The following STK3 variants were observed in gnomAD, a reference collection of about 807,000 sequenced individuals.
The protein encoded by STK3 is serine/threonine-protein kinase 3.
A neutral mutation model predicts 58.0 loss-of-function variants in STK3; 41 were observed. The observed-to-expected ratio is 0.71, with a 90% CI of 0.55 to 0.92. The LOEUF is 0.92. STK3 is among the 40% of genes least tolerant of loss of function. The pLI, the probability that STK3 is intolerant of heterozygous loss-of-function variation, is 0.00. For missense variants in STK3, 479 were observed against 602.7 expected (o/e 0.79, Z 2.15); for synonymous variants, 170 against 191.0 (o/e 0.89, Z 0.91).
At chr8:98,459,356 A>T (rs543019685) in intron 10 of STK3, among the ~76,000 whole-genome samples, 1 of 152,350 alleles carries the variant, frequency 6.6e-6, no homozygotes, top group African/African-American at 2.4e-5. Context: ...GGGTGCTCTT[A>T]AAAGCATTCA....
At chr8:98,375,819 C>A (rs1817668667) in intron 2 of STK3, among the ~76,000 whole-genome samples, 1 of 152,036 alleles carries the variant, frequency 6.6e-6, no homozygotes, top group African/African-American at 2.4e-5. Flanking sequence ...TACTGGAGGA[C>A]ATTTGGTTTG....
chr8:98,664,758 TC>T (rs1563865897), intron 6 of STK3, among the ~76,000 whole-genome samples: 2 of 152,072 alleles, frequency 1.3e-5, no homozygotes, highest in Non-Finnish European at 2.9e-5. Flanking sequence ...CTTTGAGAAT[TC>T]TCTTAGAAGT....
downstream of STK3, among the ~76,000 whole-genome samples, chr8:98,396,915 G>A (rs1817902133): frequency 6.6e-6 from 1 of 152,132 alleles, no homozygotes; most frequent in Non-Finnish European, 1.5e-5. Context: ...TATGTACCAG[G>A]CCCTATTCTA....
At chr8:98,903,633 G>C (rs1838771252) in intron 1 of STK3, among the ~76,000 whole-genome samples, 2 of 150,788 alleles carry the variant, frequency 1.3e-5, no homozygotes, top group South Asian at 4.2e-4. Context: ...CCCAACTGCT[G>C]GGTTCAAGTG....
At chr8:98,797,194 T>C (rs796108247) in intron 1 of STK3, among the ~76,000 whole-genome samples, 8 of 152,372 alleles carry the variant, frequency 5.3e-5, no homozygotes, top group South Asian at 2.1e-4. Context: ...TGATAACTTA[T>C]TGCAGCTTCT....
At chr8:98,447,559 T>C (rs927091112) in intron 1 of STK3, among the ~76,000 whole-genome samples, 1 of 148,018 alleles carries the variant, frequency 6.8e-6, no homozygotes, top group Non-Finnish European at 1.5e-5. Flanking sequence ...TATATATATA[T>C]ATAGTATCTA....
At chr8:98,520,407 A>C (rs895314636) in intron 10 of STK3, among the ~76,000 whole-genome samples, 1 of 152,182 alleles carries the variant, frequency 6.6e-6, no homozygotes, top group African/African-American at 2.4e-5. Context: ...AAGGAAGTAC[A>C]CAAATTCTAT....
At chr8:98,760,892 G>A (rs1830577004) in intron 3 of STK3, among the ~76,000 whole-genome samples, 1 of 151,556 alleles carries the variant, frequency 6.6e-6, no homozygotes, top group Non-Finnish European at 1.5e-5. Context: ...AACCAAAGGG[G>A]AAAAATGGAA....
intron 1 of STK3, among the ~76,000 whole-genome samples, chr8:98,918,754 G>A (rs1033216801): frequency 6.6e-6 from 1 of 152,080 alleles, no homozygotes; most frequent in African/African-American, 2.4e-5. Flanking sequence ...GGGTGACAGA[G>A]TGAGACCCTG....
chr8:98,632,360 T>TA (rs1322683495), intron 6 of STK3, among the ~76,000 whole-genome samples: 1 of 152,140 alleles, frequency 6.6e-6, no homozygotes, highest in African/African-American at 2.4e-5. Flanking sequence ...AACTTTATAA[T>TA]AAAACTATAT....
chr8:98,825,450 A>G, intron 1 of STK3, 65 bp downstream of exon 1: 1 of 1,400,048 alleles, frequency 7.1e-7, no homozygotes, highest in Admixed American at 2.7e-5. Context: ...GGCCTGGCCT[A>G]GCCACCCCCG....
chr8:98,878,657 G>C (rs150844059), intron 3 of STK3, among the ~76,000 whole-genome samples: 1 of 152,262 alleles, frequency 6.6e-6, no homozygotes, highest in Non-Finnish European at 1.5e-5. Context: ...TCAGGGATAA[G>C]AACACCTTCC....
At chr8:98,434,116 A>T (rs1468857775) in intron 3 of STK3, 1 of 152,182 alleles carries the variant, frequency 6.6e-6, no homozygotes, top group African/African-American at 2.4e-5. Context: ...CCCATCCAAC[A>T]CTCAACTCAC....
At chr8:98,915,977 A>G (rs914561083) in intron 1 of STK3, among the ~76,000 whole-genome samples, 2 of 152,218 alleles carry the variant, frequency 1.3e-5, no homozygotes, top group Non-Finnish European at 2.9e-5. Flanking sequence ...TAGCAGATTC[A>G]CCAACTTCTG....
At chr8:98,930,905 C>A (rs1839981473) in intron 1 of STK3, among the ~76,000 whole-genome samples, 1 of 152,204 alleles carries the variant, frequency 6.6e-6, no homozygotes, top group African/African-American at 2.4e-5. Context: ...ATTCTGAGAA[C>A]AGGCCTGCAC....
intron 6 of STK3, among the ~76,000 whole-genome samples, chr8:98,602,918 TATCTAAAG>T (rs1816478021): frequency 6.7e-6 from 1 of 148,372 alleles, no homozygotes; most frequent in Non-Finnish European, 1.5e-5. Flanking sequence ...GTACCAAATA[TATCTAAAG>T]ATAGTGGACA....
At chr8:98,804,277 C>T (rs1833770258) in intron 1 of STK3, among the ~76,000 whole-genome samples, 1 of 152,232 alleles carries the variant, frequency 6.6e-6, no homozygotes, top group Non-Finnish European at 1.5e-5. Flanking sequence ...GCTGGGATTA[C>T]AGGCGTGAGC....
chr8:98,712,990 C>A (rs1437190776), intron 4 of STK3, among the ~76,000 whole-genome samples: 1 of 152,206 alleles, frequency 6.6e-6, no homozygotes, highest in East Asian at 1.9e-4. Context: ...TCACTCAAAA[C>A]CGCTCAACTA....
At chr8:98,686,399 C>A (rs1260627372) in intron 6 of STK3, among the ~76,000 whole-genome samples, 2 of 152,034 alleles carry the variant, frequency 1.3e-5, no homozygotes, top group Non-Finnish European at 2.9e-5. Flanking sequence ...AATATTAAAT[C>A]AAAAATAATT....
Sources: allele counts gnomAD v4.1 joint callset (sites outside exome capture counted in the v4.1 genomes callset), GRCh38; gene constraint gnomAD v4.1.1; transcripts MANE v1.5; gene names NCBI Gene and HGNC (gene_info 2026-07-23, HGNC 2026-07-21).